The following DNAH10 variants were observed in gnomAD, a reference collection of about 807,000 sequenced individuals.
DNAH10 encodes the protein axonemal beta dynein heavy chain 10.
A neutral mutation model predicts 506.6 loss-of-function variants in DNAH10; 348 were observed. That is an observed-to-expected ratio of 0.69 (90% CI 0.63 to 0.75). The LOEUF (loss-of-function observed/expected upper bound fraction) is 0.75, where lower values mean the gene tolerates loss of function less well. Ranked by LOEUF, DNAH10 falls within the 30% of genes least tolerant of loss-of-function variation. The pLI, the probability that DNAH10 is intolerant of heterozygous loss-of-function variation, is 0.00. For missense variants in DNAH10, 5,179 were observed against 5,787.1 expected (o/e 0.89, Z 3.41); for synonymous variants, 2,059 against 2,198.6 (o/e 0.94, Z 1.78).
rs754913105 is a variant in DNAH10, at chr12:123,820,800, G to A, written c.4179+42G>A. ...AAGCGAAGGACTCAGGCTCACTGAA[G>A]GGGATGTAGGAATTACTTAAGCCCT... On this transcript the variant is annotated intron_variant, in intron 24 of 78. Transcript: ENST00000673944. 9 of 1,600,760 alleles carry A rather than the reference G, an allele frequency of 5.6e-6. No individual in the cohort carries two copies. In the African/African-American group the frequency reaches 1.1e-4, roughly 19 times the overall value.
At chr12:123,893,006 C>T (rs1953055710) in intron 52 of DNAH10, among the ~76,000 whole-genome samples, 1 of 152,228 alleles carries the variant, frequency 6.6e-6, no homozygotes, top group Non-Finnish European at 1.5e-5. Context: ...GTCATCCTCC[C>T]AGGCGAGCTG....
rs905296989 is a variant in DNAH10 at position 123,870,302 on chromosome 12, G to T, written c.7520-64G>T. 7 of 1,564,270 alleles carry T rather than the reference G, an allele frequency of 4.5e-6. No individual in the cohort carries two copies. In the African/African-American group the frequency reaches 8.1e-5, roughly 18 times the overall value. On this transcript the variant is annotated intron_variant, in intron 43 of 78. Coordinates refer to ENST00000673944, the MANE Select transcript of DNAH10 (RefSeq NM_001372106.1). ...CAACATTAGTTCATTTCAAGCATGTGCCAGAACTGCTTTTGTATTTCCGTG... is the reference window on the plus strand; with the variant it reads ...CAACATTAGTTCATTTCAAGCATGTTCCAGAACTGCTTTTGTATTTCCGTG...
rs1952519957 is a variant in DNAH10, at chr12:123,881,773, A to G, written c.8783A>G (p.Gln2928Arg). 1 of 1,528,036 alleles carries G rather than the reference A, an allele frequency of 6.5e-7. No homozygotes were observed. The highest frequency in any genetic ancestry group is 8.8e-7 in the Non-Finnish European group (1 of 1,136,346). 94.7% of individuals were successfully genotyped at this position (1,528,036 alleles called of 1,614,324 possible). A position where few individuals can be genotyped will look rare whatever the true frequency, so the allele number is the denominator to read the frequency against. Residue 2928 changes from glutamine (Q) to arginine (R), a missense_variant, in exon 51 of 79, where the codon CAG becomes CGG. Gln to Arg is a conservative substitution (Grantham distance 43). Around this residue, in one of 3 missense-constraint regions of DNAH10, gnomAD observed 4,844 missense variants for 5,430.5 expected, o/e 0.89. Transcript: ENST00000673944. Reference protein sequence around the residue: ...LLVGVGGSGKQSLSRLAAFTA... With the variant: ...LLVGVGGSGKRSLSRLAAFTA... ...GTCGGGGTAGGGGGCTCAGGGAAGC[A>G]GTCTCTTTCGAGGCTGGCTGCCTTC...
At chr12:123,766,006 A>C (rs933203491) in intron 1 of DNAH10, among the ~76,000 whole-genome samples, 34 of 152,180 alleles carry the variant, frequency 2.2e-4, no homozygotes, top group African/African-American at 8.2e-4. Flanking sequence ...TTATCTACCA[A>C]TTTATCTACC....
At position 123,857,182 on chromosome 12, in the gene DNAH10, C is replaced by G; in HGVS notation, c.6565C>G (p.Pro2189Ala). ...GCTGGACTGCCCTCGCGTCCGCTAC[C>G]CTGACTTCAACGATGCGGTAGAGCA... is the stretch of plus-strand genomic sequence containing the variant. The part of the protein sequence containing the change: ...PGLDCPRVRY[P>A]DFNDAVEQVL... The change falls in exon 37 of 79, where the codon CCT becomes GCT. Residue 2189 changes from proline (P) to alanine (A), a missense_variant. Physicochemically the swap from Pro to Ala is conservative, Grantham distance 27 (BLOSUM62 -1). Around this residue, in one of 3 missense-constraint regions of DNAH10, gnomAD observed 4,844 missense variants for 5,430.5 expected, o/e 0.89. Coordinates refer to ENST00000673944, the MANE Select transcript of DNAH10 (RefSeq NM_001372106.1). 6.2e-7 allele frequency: 1 copy of G among 1,609,238 alleles called. No individual in the cohort carries two copies. The highest frequency in any genetic ancestry group is 8.5e-7 in the Non-Finnish European group (1 of 1,177,862).
chr12:123,810,506 C>T (rs1365433289), intron 19 of DNAH10, among the ~76,000 whole-genome samples: 1 of 152,072 alleles, frequency 6.6e-6, no homozygotes, highest in Non-Finnish European at 1.5e-5. Flanking sequence ...CATGGTGAAC[C>T]CTGTCTCTAC....
chr12:123,915,572 CG>C (rs1293001839), intron 62 of DNAH10, among the ~76,000 whole-genome samples: 1 of 152,136 alleles, frequency 6.6e-6, no homozygotes, highest in Non-Finnish European at 1.5e-5. Context: ...ATCTGCTTTC[CG>C]TCTGTGAATG....
At chr12:123,896,138 CACACACACACAGAGAGAG>C (rs1265897645) in intron 54 of DNAH10, among the ~76,000 whole-genome samples, 6 of 114,210 alleles carry the variant, frequency 5.3e-5, no homozygotes, top group Admixed American at 8.6e-5. Context: ...CACACACACA[CACACACACACAGAGAGAG>C]AGAGAGAGAG....
rs1436953383 is a variant in DNAH10, at chr12:123,846,573, C to T, written c.5814+419C>T. Among the ~76,000 whole-genome samples the T allele has an allele frequency of 1.3e-5, 2 of 152,146 alleles. No individual in the cohort carries two copies. Among genetic ancestry groups the T allele is most frequent in the African/African-American group, 2.4e-5 (1 of 41,410 alleles). On this transcript the variant is annotated intron_variant, in intron 32 of 78. Transcript: ENST00000673944. This position sits in a 1 kb window ranked among gnomAD's most constrained non-coding sequence, Gnocchi z 4.5. ...ACAGAGGGTAAACTTGTTTGTTGTACAGGAAATGAAGATAACACTTCCATC... is the reference window on the plus strand; with the variant it reads ...ACAGAGGGTAAACTTGTTTGTTGTATAGGAAATGAAGATAACACTTCCATC...
chr12:123,768,004 C>T (rs185893888), intron 2 of DNAH10, among the ~76,000 whole-genome samples: 62 of 152,308 alleles, frequency 4.1e-4, no homozygotes, highest in African/African-American at 1.4e-3. Flanking sequence ...CTAGCCTCCT[C>T]ACTGCAGTCT....
At chr12:123,904,039 C>T (rs1007879808) in intron 57 of DNAH10, among the ~76,000 whole-genome samples, 4 of 152,246 alleles carry the variant, frequency 2.6e-5, no homozygotes, top group Non-Finnish European at 2.9e-5. Context: ...TCTGTGCTGC[C>T]TGTGAAGGCT....
At position 123,861,023 on chromosome 12, in the gene DNAH10, C is replaced by T. The variant is rs372604094; in HGVS notation, c.6761C>T (p.Thr2254Met). 27 of 1,613,766 alleles carry T rather than the reference C, an allele frequency of 1.7e-5. No homozygotes were observed. The highest frequency in any genetic ancestry group is 1.9e-5 in the Non-Finnish European group (22 of 1,179,884). The change falls in exon 39 of 79, where the codon ACG becomes ATG. Residue 2254 changes from threonine (T) to methionine (M), a missense_variant. Around this residue, in one of 3 missense-constraint regions of DNAH10, gnomAD observed 4,844 missense variants for 5,430.5 expected, o/e 0.89. Coordinates refer to ENST00000673944, the MANE Select transcript of DNAH10 (RefSeq NM_001372106.1). ...LCQAQTKLGL[T>M]TKLYILNPKA... ...CTCTCTTGATTTAGGCTTGGGCTGA[C>T]GACAAAGTTGTACATCCTGAACCCC...
At chr12:123,829,766 C>A (rs114580982) in intron 25 of DNAH10, among the ~76,000 whole-genome samples, 1 of 152,248 alleles carries the variant, frequency 6.6e-6, no homozygotes, top group African/African-American at 2.4e-5. Flanking sequence ...TGCTCACGTG[C>A]TGGGTACGTG....
intron 30 of DNAH10, among the ~76,000 whole-genome samples, chr12:123,842,959 A>G (rs1216146672): frequency 6.6e-6 from 1 of 152,266 alleles, no homozygotes; most frequent in African/African-American, 2.4e-5. Flanking sequence ...TGAACTAGAC[A>G]GAAATCTCTG....
chr12:123,859,187 C>T lies in DNAH10; in HGVS notation c.6668C>T (p.Thr2223Ile). 3 of 1,612,118 alleles carry T rather than the reference C, an allele frequency of 1.9e-6. No individual in the cohort carries two copies. Among genetic ancestry groups the T allele is most frequent in the Non-Finnish European group, 2.5e-6 (3 of 1,179,340 alleles). Residue 2223 changes from threonine (T) to isoleucine (I), a missense_variant, in exon 38 of 79, where the codon ACC (threonine) becomes ATC (isoleucine). Physicochemically the swap from Thr to Ile is moderately conservative, Grantham distance 89. Transcript: ENST00000673944. The part of the protein sequence containing the change: ...KVVQMFETML[T>I]RHTTMVVGPT... ...GTTCAAATGTTCGAGACCATGTTAA[C>T]CCGCCACACGACGATGGTGGTGGGG...
At chr12:123,802,696 C>T (rs116338737) in intron 16 of DNAH10, among the ~76,000 whole-genome samples, 1,629 of 148,606 alleles carry the variant, frequency 0.011, 33 homozygotes, top group African/African-American at 0.037. Flanking sequence ...ATGAGTGACT[C>T]GGTTTCTCTG....
chr12:123,833,294 C>A lies in DNAH10; in HGVS notation c.4726C>A (p.Gln1576Lys), dbSNP rs1015015141. ...SGSRFVGPFL[Q>K]TVHKWEKTLS... Reference sequence around the variant, plus strand: ...AAGCAGATTTGTGGGGCCTTTTCTGCAAACTGTTCACAAATGGGAAAAAAC... The same window carrying A: ...AAGCAGATTTGTGGGGCCTTTTCTGAAAACTGTTCACAAATGGGAAAAAAC... Residue 1576 changes from glutamine (Q) to lysine (K), a missense_variant, in exon 27 of 79, where the codon CAA (glutamine) becomes AAA (lysine). By Grantham distance (53) the Gln-to-Lys change is moderately conservative. Around this residue, in one of 3 missense-constraint regions of DNAH10, gnomAD observed 4,844 missense variants for 5,430.5 expected, o/e 0.89. Coordinates refer to ENST00000673944, the MANE Select transcript of DNAH10 (RefSeq NM_001372106.1). 3.3e-5 allele frequency: 53 copies of A among 1,613,578 alleles called. No individual in the cohort carries two copies. Among genetic ancestry groups the A allele is most frequent in the Non-Finnish European group, 4.1e-5 (48 of 1,179,794 alleles).
chr12:123,891,279 G>A (rs1480681138), intron 52 of DNAH10, among the ~76,000 whole-genome samples: 1 of 152,146 alleles, frequency 6.6e-6, no homozygotes, highest in African/African-American at 2.4e-5. Context: ...TTGCATTAGG[G>A]CCCATCTCAA....
chr12:123,805,763 CTCT>C (rs1299064694), intron 18 of DNAH10, among the ~76,000 whole-genome samples: 1 of 151,042 alleles, frequency 6.6e-6, no homozygotes, highest in Non-Finnish European at 1.5e-5. Context: ...TCACATTTTT[CTCT>C]TCTTTTCTTT....
Sources: allele counts gnomAD v4.1 joint callset (sites outside exome capture counted in the v4.1 genomes callset), GRCh38; gene constraint gnomAD v4.1.1; regional missense constraint gnomAD v4.1.1; non-coding constraint Gnocchi (gnomAD v3.1); transcripts MANE v1.5; gene names NCBI Gene and HGNC (gene_info 2026-07-23, HGNC 2026-07-21).